CCDC171: variants seen among roughly 807,000 people sequenced by gnomAD.
The protein encoded by CCDC171 is coiled-coil domain-containing protein 171.
A neutral mutation model predicts 168.2 loss-of-function variants in CCDC171; 177 were observed. The ratio of observed to expected loss-of-function variants is 1.05; its 90% CI spans 0.93 to 1.19. CCDC171 has a LOEUF of 1.19. Ranked by LOEUF, CCDC171 falls within the 50% of genes most tolerant of loss-of-function variation. The pLI is 0.00. For missense variants in CCDC171, 1,991 were observed against 1,539.0 expected (o/e 1.29, Z -4.91); for synonymous variants, 687 against 540.8 (o/e 1.27, Z -3.75).
At chr9:15,772,018 G>C (rs977353426) in intron 18 of CCDC171, among the ~76,000 whole-genome samples, 1 of 152,124 alleles carries the variant, frequency 6.6e-6, no homozygotes, top group East Asian at 1.9e-4. Flanking sequence ...ATTTTTAGTA[G>C]TGACGGGGTT....
chr9:15,578,787 ATGTTTGAG>A, intron 3 of CCDC171, 54 bp from the exon 4 acceptor site: 1 of 1,333,210 alleles, frequency 7.5e-7, no homozygotes, highest in Non-Finnish European at 1.0e-6. Flanking sequence ...AGAAACTTAA[ATGTTTGAG>A]TGTATGATCT....
At chr9:15,692,019 C>CT (rs1278447531) in intron 10 of CCDC171, among the ~76,000 whole-genome samples, 1 of 152,150 alleles carries the variant, frequency 6.6e-6, no homozygotes, top group African/African-American at 2.4e-5. Flanking sequence ...CCAGAAGTCT[C>CT]TATCTGGACT....
At chr9:15,894,877 A>C (rs1367020237) in intron 24 of CCDC171, among the ~76,000 whole-genome samples, 1 of 152,062 alleles carries the variant, frequency 6.6e-6, no homozygotes, top group African/African-American at 2.4e-5. Flanking sequence ...TTGTCACCAA[A>C]ATGTAAGATC....
chr9:15,880,986 C>G (rs1401282148), intron 24 of CCDC171, among the ~76,000 whole-genome samples: 2 of 152,154 alleles, frequency 1.3e-5, no homozygotes, highest in Non-Finnish European at 2.9e-5. Context: ...CATCCTTTGT[C>G]TCATCTAGCT....
chr9:16,085,727 T>C, the CCDC171 span, among the ~76,000 whole-genome samples: 1 of 152,200 alleles, frequency 6.6e-6, no homozygotes, highest in Non-Finnish European at 1.5e-5. Context: ...TGAACATTAT[T>C]CCTTTTTAAA....
intron 21 of CCDC171, among the ~76,000 whole-genome samples, chr9:15,802,391 C>G (rs1174065347): frequency 6.6e-6 from 1 of 151,986 alleles, no homozygotes; most frequent in African/African-American, 2.4e-5. Context: ...GCTATCCTTC[C>G]TGATCCTCTC....
chr9:15,733,466 C>T (rs1307966499), intron 16 of CCDC171, among the ~76,000 whole-genome samples: 2 of 147,458 alleles, frequency 1.4e-5, no homozygotes, highest in Admixed American at 6.8e-5. Context: ...TGTGAGGTAT[C>T]GATTAAGGTC....
chr9:15,862,640 AAG>A (rs2061610078), intron 23 of CCDC171, among the ~76,000 whole-genome samples: 2 of 151,720 alleles, frequency 1.3e-5, no homozygotes, highest in South Asian at 4.2e-4. Context: ...GAAAAAAAAA[AAG>A]AACCTACCAT....
chr9:15,641,818 T>C (rs752216284), intron 7 of CCDC171, among the ~76,000 whole-genome samples: 1 of 152,152 alleles, frequency 6.6e-6, no homozygotes, highest in Non-Finnish European at 1.5e-5. Context: ...GGAAAGGACA[T>C]GGCAGTCAGC....
chr9:15,641,219 G>A (rs2046577528), intron 7 of CCDC171, among the ~76,000 whole-genome samples: 1 of 152,060 alleles, frequency 6.6e-6, no homozygotes, highest in South Asian at 2.1e-4. Context: ...TAAACTTTGT[G>A]CAACTAATGA....
At chr9:15,994,592 A>G (rs115311079) in intron 3 of CCDC171, among the ~76,000 whole-genome samples, 3,452 of 152,306 alleles carry the variant, frequency 0.023, 118 homozygotes, top group African/African-American at 0.077. Context: ...ATATAAAAAA[A>G]AGTTTCTCTT....
chr9:15,854,138 C>T (rs62548672), intron 23 of CCDC171, among the ~76,000 whole-genome samples: 1 of 149,998 alleles, frequency 6.7e-6, no homozygotes, highest in Non-Finnish European at 1.5e-5. Context: ...GGAGATGCTC[C>T]CTTCTCTTCA....
rs184532714 is a variant in CCDC171 at position 15,606,953 on chromosome 9, G to A, written c.675+12781G>A. ...GATGCAGGTAGCTTTTGGTGTGATTGGAAAATATGTTCTGTAACAAAAATT... is the reference window on the plus strand; with the variant it reads ...GATGCAGGTAGCTTTTGGTGTGATTAGAAAATATGTTCTGTAACAAAAATT... On this transcript the variant is annotated intron_variant, in intron 6 of 25. Coordinates refer to ENST00000380701, the MANE Select transcript of CCDC171 (RefSeq NM_173550.4). 2.4e-3 allele frequency among the ~76,000 whole-genome samples: 367 copies of A among 152,210 alleles called. 2 individuals carry two copies. Among genetic ancestry groups the A allele is most frequent in the African/African-American group, 8.5e-3 (355 of 41,524 alleles).
At chr9:15,758,718 A>G (rs981348179) in intron 18 of CCDC171, among the ~76,000 whole-genome samples, 15 of 152,222 alleles carry the variant, frequency 9.9e-5, no homozygotes, top group African/African-American at 2.6e-4. Context: ...GTGGGAGATA[A>G]TTGAATCATG....
intron 21 of CCDC171, 129 bp downstream of exon 21, chr9:15,784,823 G>A: frequency 4.6e-6 from 3 of 651,986 alleles, no homozygotes; most frequent in Non-Finnish European, 7.3e-6. Context: ...AGGATAGAAT[G>A]AAACATGTTT....
intron 5 of CCDC171, among the ~76,000 whole-genome samples, chr9:15,592,040 TG>T (rs2042042019): frequency 6.6e-6 from 1 of 152,180 alleles, no homozygotes; most frequent in Non-Finnish European, 1.5e-5. Context: ...CCTCATTTTT[TG>T]TTCTCTTTTT....
rs1424407806 is a variant in CCDC171, at chr9:15,623,471, G to GCACACACACACACA, written c.822+59_822+60insACACACACACACAC. 3.2e-4 allele frequency: 162 copies of GCACACACACACACA among 505,362 alleles called. No individual in the cohort carries two copies. The African/African-American group carries it at 3.3e-3, about 10-fold the overall frequency. The allele number at this position is 505,362 out of a possible 1,614,324, so 31.3% of individuals were successfully genotyped here. ...CGTACAAACTTTCACATATGCGCGC[G>GCACACACACACACA]CGCGCACACACACACACACACACAC... On this transcript the variant is annotated intron_variant, in intron 7 of 25. Coordinates refer to ENST00000380701, the MANE Select transcript of CCDC171 (RefSeq NM_173550.4).
Position 16,032,480 on chromosome 9 carries a change from G to T in CCDC171, n.999-2977G>T, listed in dbSNP as rs1282443419. 3.3e-5 allele frequency among the ~76,000 whole-genome samples: 5 copies of T among 152,166 alleles called. No homozygotes were observed. In the East Asian group the frequency reaches 9.6e-4, roughly 29 times the overall value. ...TTCAGAGAGGGCAGCAGAGGGCATA[G>T]GTGGCCAGTCTGGGATCTGGCTTCT... On this transcript the variant is annotated intron_variant and non_coding_transcript_variant, in intron 6 of 9. Transcript: ENST00000486641.
intron 6 of CCDC171, among the ~76,000 whole-genome samples, chr9:15,596,097 C>G (rs1464426077): frequency 6.6e-6 from 1 of 152,128 alleles, no homozygotes; most frequent in Non-Finnish European, 1.5e-5. Flanking sequence ...TGTAGGTTGC[C>G]TGTTCACTCT....
Sources: gnomAD v4.1 joint callset for allele counts (sites outside exome capture counted in the v4.1 genomes callset) on GRCh38, gnomAD v4.1.1 for gene constraint, MANE v1.5 for transcripts, NCBI Gene and HGNC (gene_info 2026-07-23, HGNC 2026-07-21) for gene names.